FNIP1: variants seen among roughly 807,000 people sequenced by gnomAD.
FNIP1 encodes folliculin interacting protein 1, also known as folliculin-interacting protein 1.
In FNIP1, 40 loss-of-function variants were observed where a neutral mutation model predicts 124.5. The observed-to-expected ratio is 0.32, with a 90% CI of 0.25 to 0.42. The LOEUF (loss-of-function observed/expected upper bound fraction) is 0.42. Among genes scored for constraint, FNIP1 ranks in the 10% least tolerant of loss-of-function variants. The pLI is 1.00. For missense variants in FNIP1, 1,176 were observed against 1,403.7 expected, an observed-to-expected ratio of 0.84 and a Z score of 2.59; for synonymous variants, 472 against 470.6, an observed-to-expected ratio of 1.00 and a Z score of -0.04.
chr5:131,707,071 A>C (rs1769138284), intron 8 of FNIP1, among the ~76,000 whole-genome samples: 1 of 152,208 alleles, frequency 6.6e-6, no homozygotes. Flanking sequence ...GCTCCAAAAA[A>C]AGAATGCTCC....
At chr5:131,663,624 G>C (rs754044820) in intron 15 of FNIP1, among the ~76,000 whole-genome samples, 3 of 152,202 alleles carry the variant, frequency 2.0e-5, no homozygotes, top group Non-Finnish European at 2.9e-5. Flanking sequence ...ATGCTTTAAG[G>C]TGATAAACTG....
At chr5:131,706,312 T>G in intron 9 of FNIP1, 99 bp downstream of exon 9, 1 of 1,304,486 alleles carries the variant, frequency 7.7e-7, no homozygotes, top group East Asian at 2.5e-5. Flanking sequence ...GTTTCAAACT[T>G]AAAATACACA....
In FNIP1 at chr5:131,750,222, T is replaced by C. The variant is rs192834818; in HGVS notation, c.93-5532A>G. Reference sequence around the variant, plus strand: ...TAAGACTGACAAGAATACAGCTGAATTGATCTAAGCTAGTTAGGGAACGTA... The same window carrying C: ...TAAGACTGACAAGAATACAGCTGAACTGATCTAAGCTAGTTAGGGAACGTA... On this transcript the variant is annotated intron_variant, in intron 1 of 17. Transcript: ENST00000510461. Among the ~76,000 whole-genome samples the C allele has an allele frequency of 4.0e-4, 61 of 152,156 alleles. 1 individual carries two copies. Among genetic ancestry groups the C allele is most frequent in the African/African-American group, 1.4e-3 (58 of 41,504 alleles).
intron 6 of FNIP1, among the ~76,000 whole-genome samples, chr5:131,714,173 T>C (rs1342058400): frequency 6.6e-6 from 1 of 152,192 alleles, no homozygotes; most frequent in Non-Finnish European, 1.5e-5. Flanking sequence ...TGGGGAGACA[T>C]GGGACACTTC....
chr5:131,690,524 C>T (rs1159793547), intron 11 of FNIP1, among the ~76,000 whole-genome samples: 23 of 152,126 alleles, frequency 1.5e-4, no homozygotes, highest in Admixed American at 1.5e-3. Flanking sequence ...CTTTCCCCTT[C>T]GCTCGGCACT....
chr5:131,756,000 G>C (rs1409845061), intron 1 of FNIP1, among the ~76,000 whole-genome samples: 1 of 150,384 alleles, frequency 6.6e-6, no homozygotes, highest in Admixed American at 6.6e-5. Context: ...GGGCGACAGA[G>C]AGACTGTGTC....
At chr5:131,775,685 G>A (rs926377935) in intron 1 of FNIP1, among the ~76,000 whole-genome samples, 3 of 151,646 alleles carry the variant, frequency 2.0e-5, no homozygotes, top group Non-Finnish European at 2.9e-5. Context: ...CCGCCACCAC[G>A]TCCGGCTAAT....
rs1284676309 is a variant in FNIP1, at chr5:131,693,135, CA to C, written c.1202+5781del. Among the ~76,000 whole-genome samples the C allele has an allele frequency of 3.4e-5, 5 of 147,454 alleles. No individual in the cohort carries two copies. The East Asian group carries it at 9.9e-4, about 29-fold the overall frequency. ...GAGTAGATTTTAAGTCTTTTAATGA[CA>C]AAAAATGATAATTACGTGAGGTAAT... On this transcript the variant is annotated intron_variant, in intron 11 of 17. Coordinates refer to ENST00000510461, the MANE Select transcript of FNIP1 (RefSeq NM_133372.3).
chr5:131,727,624 G>A (rs947110887), intron 3 of FNIP1, among the ~76,000 whole-genome samples: 2 of 152,024 alleles, frequency 1.3e-5, no homozygotes, highest in African/African-American at 4.8e-5. Flanking sequence ...GTCTTGACTC[G>A]TTATCCAATT....
chr5:131,653,054 A>G (rs1489689190), intron 15 of FNIP1, among the ~76,000 whole-genome samples: 2 of 152,216 alleles, frequency 1.3e-5, no homozygotes, highest in Non-Finnish European at 2.9e-5. Flanking sequence ...CTATCCCAAT[A>G]TGTCAGGCAT....
chr5:131,734,169 G>C (rs543368615), intron 2 of FNIP1, among the ~76,000 whole-genome samples: 2 of 152,160 alleles, frequency 1.3e-5, no homozygotes, highest in African/African-American at 4.8e-5. Flanking sequence ...CGGGATCGGT[G>C]GTGATATCCC....
chr5:131,744,872 G>A (rs1770624985), intron 1 of FNIP1, among the ~76,000 whole-genome samples, 182 bp from the exon 2 acceptor site: 1 of 150,660 alleles, frequency 6.6e-6, no homozygotes, highest in African/African-American at 2.4e-5. Context: ...TAAAAATAAA[G>A]GCAAAACAAA....
chr5:131,724,023 T>C (rs912611653), intron 3 of FNIP1, among the ~76,000 whole-genome samples: 31 of 152,218 alleles, frequency 2.0e-4, no homozygotes, highest in African/African-American at 7.0e-4. Flanking sequence ...TCCATGTCCC[T>C]GCAAAGGACA....
At chr5:131,648,188 A>AG (rs1205989517) in intron 16 of FNIP1, among the ~76,000 whole-genome samples, 1 of 150,472 alleles carries the variant, frequency 6.6e-6, no homozygotes, top group Non-Finnish European at 1.5e-5. Context: ...AAAAAAAAAA[A>AG]AAAAAAGAAT....
intron 15 of FNIP1, among the ~76,000 whole-genome samples, chr5:131,655,834 C>T (rs1767175527): frequency 6.6e-6 from 1 of 151,632 alleles, no homozygotes; most frequent in Admixed American, 6.6e-5. Flanking sequence ...AGGAGAATGG[C>T]GTGAACCCGG....
intron 1 of FNIP1, among the ~76,000 whole-genome samples, chr5:131,754,215 C>T (rs930957167): frequency 2.0e-5 from 3 of 152,124 alleles, no homozygotes; most frequent in Admixed American, 6.5e-5. Flanking sequence ...GACTTAAAAG[C>T]GTTCATTCAG....
At chr5:131,706,348 C>T (rs1769110962) in intron 9 of FNIP1, 63 bp downstream of exon 9, 1 of 1,439,768 alleles carries the variant, frequency 6.9e-7, no homozygotes, top group South Asian at 1.6e-5. Flanking sequence ...TTCTAAAAAA[C>T]CCATATAAAA....
In FNIP1 at chr5:131,716,577, G is replaced by T; in HGVS notation, c.610C>A (p.Leu204Ile). ...AGGAACCATTTACCTATATTTCCAA[G>T]CAGTCCATTAATAACTGTGTTATTA... ...ADNNTVINGL[L>I]GNIGLSQFCS... The change falls in exon 6 of 18, where the codon CTT (leucine) becomes ATT (isoleucine). Residue 204 changes from leucine (L) to isoleucine (I), a missense_variant. Leu to Ile is a conservative substitution (Grantham distance 5). Coordinates refer to ENST00000510461, the MANE Select transcript of FNIP1 (RefSeq NM_133372.3). 1 of 1,594,230 alleles carries T rather than the reference G, an allele frequency of 6.3e-7. No individual in the cohort carries two copies. The highest frequency in any genetic ancestry group is 8.6e-7 in the Non-Finnish European group (1 of 1,168,568).
intron 14 of FNIP1, 141 bp downstream of exon 14, chr5:131,671,364 T>C: frequency 1.4e-6 from 1 of 718,386 alleles, no homozygotes; most frequent in Middle Eastern, 2.6e-4. Flanking sequence ...CTTTACTCCT[T>C]CTTATGAGTT....
Sources: gnomAD v4.1 joint callset for allele counts (sites outside exome capture counted in the v4.1 genomes callset) on GRCh38, gnomAD v4.1.1 for gene constraint, MANE v1.5 for transcripts, NCBI Gene and HGNC (gene_info 2026-07-23, HGNC 2026-07-21) for gene names.